Variants in SGCD observed in about 807,000 individuals in gnomAD.
SGCD encodes the protein delta-sarcoglycan.
A neutral mutation model predicts 36.6 loss-of-function variants in SGCD; 18 were observed. The ratio of observed to expected loss-of-function variants is 0.49; its 90% CI spans 0.34 to 0.73. The LOEUF (loss-of-function observed/expected upper bound fraction) is 0.73. SGCD is among the 30% of genes least tolerant of loss of function. The probability of loss-of-function intolerance (pLI) is 0.01; values close to 1 mark genes in which losing one functional copy is unlikely to be tolerated. For missense variants in SGCD, 387 were observed against 346.7 expected (o/e 1.12, Z -0.92); for synonymous variants, 133 against 130.6 (o/e 1.02, Z -0.12).
intron 1 of SGCD, among the ~76,000 whole-genome samples, chr5:156,022,893 A>G (rs1327429026): frequency 6.6e-6 from 1 of 152,206 alleles, no homozygotes; most frequent in Non-Finnish European, 1.5e-5. Context: ...TCAGATTACT[A>G]TGAATCGCAC....
chr5:155,896,031 AC>A, intron 1 of SGCD, among the ~76,000 whole-genome samples: 1 of 152,324 alleles, frequency 6.6e-6, no homozygotes, highest in Middle Eastern at 3.4e-3. Flanking sequence ...GCGTATCCTG[AC>A]TTTTTCTGGA....
At chr5:155,752,667 G>A in the SGCD span, among the ~76,000 whole-genome samples, 1 of 152,060 alleles carries the variant, frequency 6.6e-6, no homozygotes, top group East Asian at 1.9e-4. Flanking sequence ...ATTTATTTGT[G>A]ATGATTTAAT....
At chr5:156,589,385 C>A in intron 5 of SGCD, 67 bp downstream of exon 5, 2 of 825,004 alleles carry the variant, frequency 2.4e-6, no homozygotes, top group South Asian at 3.1e-5. Context: ...AATTAATGGT[C>A]AAAGGAAACA....
At chr5:155,736,702 C>T in the SGCD span, among the ~76,000 whole-genome samples, 1 of 152,154 alleles carries the variant, frequency 6.6e-6, no homozygotes, top group Non-Finnish European at 1.5e-5. Flanking sequence ...ACCACTACCA[C>T]CTCCTCCTCC....
chr5:156,146,121 G>C (rs1050354806), intron 3 of SGCD, among the ~76,000 whole-genome samples: 7 of 152,208 alleles, frequency 4.6e-5, no homozygotes, highest in African/African-American at 1.7e-4. Context: ...GCTGAGACAG[G>C]AGAATGGTGT....
intron 3 of SGCD, among the ~76,000 whole-genome samples, chr5:156,460,384 G>T (rs1457779145): frequency 6.6e-6 from 1 of 152,112 alleles, no homozygotes; most frequent in African/African-American, 2.4e-5. Flanking sequence ...TCATAATTGT[G>T]CATATGCTAA....
At chr5:155,804,957 A>T in the SGCD span, among the ~76,000 whole-genome samples, 1 of 152,218 alleles carries the variant, frequency 6.6e-6, no homozygotes, top group Non-Finnish European at 1.5e-5. Context: ...AACTTTCTGC[A>T]GTGTCCAGCA....
intron 6 of SGCD, among the ~76,000 whole-genome samples, chr5:156,612,669 G>T (rs1382883115): frequency 3.3e-5 from 5 of 152,232 alleles, no homozygotes; most frequent in African/African-American, 9.7e-5. Flanking sequence ...GAGTAGCCAG[G>T]GTTGTGGTGC....
At chr5:156,436,942 G>C (rs2055612) in intron 3 of SGCD, among the ~76,000 whole-genome samples, 112,328 of 152,058 alleles carry the variant, frequency 0.74, 42,624 homozygotes, top group African/African-American at 0.91. Flanking sequence ...ATTAGGAATT[G>C]CAGCCACATA....
chr5:156,502,794 G>A (rs983063192), intron 3 of SGCD, among the ~76,000 whole-genome samples: 4 of 152,160 alleles, frequency 2.6e-5, no homozygotes, highest in Admixed American at 6.5e-5. Flanking sequence ...ACTTTGATGG[G>A]TTTCCAATCC....
chr5:155,981,078 G>C (rs572649481), intron 1 of SGCD, among the ~76,000 whole-genome samples: 2 of 152,358 alleles, frequency 1.3e-5, no homozygotes, highest in East Asian at 3.9e-4. Context: ...CAGTGCAGCA[G>C]ATGGAGGAGG....
At chr5:156,606,925 T>A (rs1330503704) in intron 6 of SGCD, among the ~76,000 whole-genome samples, 1 of 152,224 alleles carries the variant, frequency 6.6e-6, no homozygotes, top group African/African-American at 2.4e-5. Flanking sequence ...AATTTGCCTA[T>A]CAGCTTAAGG....
At chr5:155,779,180 C>T in the SGCD span, among the ~76,000 whole-genome samples, 26 of 152,222 alleles carry the variant, frequency 1.7e-4, no homozygotes, top group Admixed American at 1.5e-3. Context: ...TATTTATCCA[C>T]GTGCAGACTC....
At chr5:155,915,354 A>G (rs986995919) in intron 1 of SGCD, among the ~76,000 whole-genome samples, 1 of 152,106 alleles carries the variant, frequency 6.6e-6, no homozygotes, top group Non-Finnish European at 1.5e-5. Flanking sequence ...TTTAGGGGTG[A>G]CATTTCCCCC....
intron 3 of SGCD, among the ~76,000 whole-genome samples, chr5:156,175,416 A>G (rs1018920332): frequency 2.0e-5 from 3 of 152,118 alleles, no homozygotes; most frequent in African/African-American, 2.4e-5. Flanking sequence ...CTTAGAAAAA[A>G]AAAATATTCG....
intron 3 of SGCD, among the ~76,000 whole-genome samples, chr5:156,137,505 T>C (rs989332583): frequency 1.3e-5 from 2 of 152,174 alleles, no homozygotes; most frequent in African/African-American, 4.8e-5. Context: ...ATTTAGTAGG[T>C]CTCGGTTTCT....
chr5:156,715,364 T>C (rs1755171528), intron 7 of SGCD, among the ~76,000 whole-genome samples: 1 of 152,090 alleles, frequency 6.6e-6, no homozygotes, highest in African/African-American at 2.4e-5. Flanking sequence ...TCAAACTCAG[T>C]GAGGATTATG....
chr5:156,172,394 C>T (rs1763366561), intron 3 of SGCD, among the ~76,000 whole-genome samples: 1 of 152,236 alleles, frequency 6.6e-6, no homozygotes, highest in Admixed American at 6.5e-5. Flanking sequence ...CTGCTCTCAA[C>T]GAGGAAGTCG....
intron 3 of SGCD, among the ~76,000 whole-genome samples, chr5:156,143,804 G>A (rs1312374195): frequency 2.0e-5 from 3 of 151,664 alleles, no homozygotes; most frequent in Non-Finnish European, 4.4e-5. Flanking sequence ...TGTTACATAT[G>A]TATACATGTG....
Sources: gnomAD v4.1 joint callset for allele counts (sites outside exome capture counted in the v4.1 genomes callset) on GRCh38, gnomAD v4.1.1 for gene constraint, MANE v1.5 for transcripts, NCBI Gene and HGNC (gene_info 2026-07-23, HGNC 2026-07-21) for gene names.